ADGRL2: variants seen among roughly 807,000 people sequenced by gnomAD.
The protein encoded by ADGRL2 is adhesion G protein-coupled receptor L2, also known as calcium-independent alpha-latrotoxin receptor 2.
Under a neutral mutation model 157.4 loss-of-function variants are expected in ADGRL2, and 44 were observed. The observed-to-expected ratio is 0.28, with a 90% CI of 0.22 to 0.36. ADGRL2 has a LOEUF of 0.36. Among genes scored for constraint, ADGRL2 ranks in the 10% least tolerant of loss-of-function variants. The pLI is 1.00. For synonymous variants in ADGRL2, 585 were observed against 624.7 expected (o/e 0.94, Z 0.95); for missense variants, 1,510 against 1,768.9 (o/e 0.85, Z 2.63).
chr1:81,909,581 A>G (rs2094663662), intron 3 of ADGRL2, among the ~76,000 whole-genome samples: 1 of 152,210 alleles, frequency 6.6e-6, no homozygotes, highest in Non-Finnish European at 1.5e-5. Flanking sequence ...GGCTGTCAAT[A>G]TGACAGATGT....
intron 2 of ADGRL2, among the ~76,000 whole-genome samples, chr1:81,564,891 T>C (rs2080524795): frequency 6.6e-6 from 1 of 152,102 alleles, no homozygotes; most frequent in African/African-American, 2.4e-5. Context: ...GTAGCCTCCA[T>C]CCTAATTCAG....
chr1:81,415,507 G>A (rs2077017371), intron 1 of ADGRL2, among the ~76,000 whole-genome samples: 1 of 152,184 alleles, frequency 6.6e-6, no homozygotes, highest in East Asian at 1.9e-4. Flanking sequence ...AAAAAGATAC[G>A]ATAAGAGGAA....
At chr1:81,957,884 G>C (rs763278054) in intron 11 of ADGRL2, among the ~76,000 whole-genome samples, 1 of 150,450 alleles carries the variant, frequency 6.6e-6, no homozygotes, top group Non-Finnish European at 1.5e-5. Flanking sequence ...GTCATTTTAC[G>C]GCCGGGCATG....
At chr1:81,852,022 AAGTACTTGGTAACTAAAATG>A (rs1306662005) in intron 2 of ADGRL2, among the ~76,000 whole-genome samples, 1 of 152,002 alleles carries the variant, frequency 6.6e-6, no homozygotes, top group Non-Finnish European at 1.5e-5. Context: ...TTCTAGCTTC[AAGTACTTGGTAACTAAAATG>A]TTTGCTCAGT....
intron 2 of ADGRL2, among the ~76,000 whole-genome samples, chr1:81,866,585 A>G (rs1217028526): frequency 6.6e-6 from 1 of 152,142 alleles, no homozygotes; most frequent in Non-Finnish European, 1.5e-5. Flanking sequence ...TTAAAAATTT[A>G]CCTTCAGTTT....
intron 3 of ADGRL2, among the ~76,000 whole-genome samples, chr1:81,617,377 T>C (rs1483875043): frequency 2.0e-5 from 3 of 152,216 alleles, no homozygotes; most frequent in African/African-American, 7.2e-5. Context: ...ATGTCTTCCA[T>C]GAAGCCAGTC....
intron 3 of ADGRL2, among the ~76,000 whole-genome samples, chr1:81,619,655 G>A (rs1203883606): frequency 7.4e-6 from 1 of 135,030 alleles, no homozygotes; most frequent in Admixed American, 7.6e-5. Flanking sequence ...AACATACAGT[G>A]ATATGTCTTC....
At chr1:81,908,056 G>A (rs1010461279) in intron 3 of ADGRL2, among the ~76,000 whole-genome samples, 1 of 152,118 alleles carries the variant, frequency 6.6e-6, no homozygotes, top group African/African-American at 2.4e-5. Flanking sequence ...GTGTTTAGAT[G>A]TACAGACACT....
chr1:81,970,300 C>A lies in ADGRL2; in HGVS notation c.2734-14C>A. 4 of 1,592,952 alleles carry A rather than the reference C, an allele frequency of 2.5e-6. No individual in the cohort carries two copies. Among genetic ancestry groups the A allele is most frequent in the East Asian group, 2.2e-5 (1 of 44,600 alleles). On this transcript the variant is annotated splice_polypyrimidine_tract_variant and intron_variant, in intron 15 of 23. Coordinates refer to ENST00000686636, the MANE Select transcript of ADGRL2 (RefSeq NM_001366006.2). ...TGAGTTTTCTTTTGTGTTTTTTGTT[C>A]TTTTCCCCCGTAGATTGCATGCCCA... is the stretch of plus-strand genomic sequence containing the variant.
At chr1:81,893,392 A>G (rs1394697264) in intron 2 of ADGRL2, among the ~76,000 whole-genome samples, 2 of 147,490 alleles carry the variant, frequency 1.4e-5, no homozygotes, top group African/African-American at 2.5e-5. Flanking sequence ...TAAGGATGAA[A>G]TTAAAACTAT....
chr1:81,948,809 T>C (rs544247543), intron 6 of ADGRL2, among the ~76,000 whole-genome samples: 1 of 152,274 alleles, frequency 6.6e-6, no homozygotes, highest in Non-Finnish European at 1.5e-5. Flanking sequence ...AACACATGCT[T>C]TAGAAGTTTC....
chr1:81,903,729 ACAT>A (rs1168621782), intron 2 of ADGRL2, among the ~76,000 whole-genome samples: 10 of 141,940 alleles, frequency 7.0e-5, no homozygotes, highest in African/African-American at 2.6e-4. Context: ...ATATATATAT[ACAT>A]TATATATACA....
chr1:81,727,995 A>C (rs1040931192), intron 1 of ADGRL2, among the ~76,000 whole-genome samples: 10 of 152,266 alleles, frequency 6.6e-5, no homozygotes, highest in African/African-American at 2.4e-4. Context: ...ATATTTAATA[A>C]ATATTTGTTC....
intron 3 of ADGRL2, among the ~76,000 whole-genome samples, chr1:81,622,109 G>C (rs1263598575): frequency 6.6e-6 from 1 of 152,150 alleles, no homozygotes; most frequent in Non-Finnish European, 1.5e-5. Context: ...CTTTTTTAAT[G>C]ATAACTTTTT....
At chr1:81,806,998 T>G (rs2089244690) in intron 1 of ADGRL2, among the ~76,000 whole-genome samples, 1 of 151,990 alleles carries the variant, frequency 6.6e-6, no homozygotes, top group African/African-American at 2.4e-5. Context: ...AAGATTTATG[T>G]AAAAAATAAG....
chr1:81,987,525 A>G (rs1324890290), intron 22 of ADGRL2: 5 of 598,118 alleles, frequency 8.4e-6, no homozygotes, highest in Non-Finnish European at 1.5e-5. Context: ...TTTTCTTAAG[A>G]AAAATTTCAG....
chr1:81,615,632 G>C (rs1330349970), intron 3 of ADGRL2, among the ~76,000 whole-genome samples: 1 of 152,180 alleles, frequency 6.6e-6, no homozygotes, highest in Non-Finnish European at 1.5e-5. Flanking sequence ...GCGAGACCAA[G>C]AACCCACCAA....
Position 81,418,332 on chromosome 1 carries a change from C to T in ADGRL2, c.-301-26704C>T, listed in dbSNP as rs753481712. On this transcript the variant is annotated intron_variant, in intron 1 of 24. Transcript: ENST00000370721. ...TTATAATAAAATTTTGTGGCAAAAA[C>T]CCTCCACTTTTCTGTGGTGGCATTT... 3.4e-4 allele frequency among the ~76,000 whole-genome samples: 51 copies of T among 152,222 alleles called. 1 individual carries two copies. The highest frequency in any genetic ancestry group is 6.6e-4 in the Non-Finnish European group (45 of 68,044).
At chr1:81,804,297 T>C (rs1160659064) in intron 1 of ADGRL2, among the ~76,000 whole-genome samples, 2 of 152,230 alleles carry the variant, frequency 1.3e-5, no homozygotes, top group Non-Finnish European at 1.5e-5. Context: ...TTGTTTAGTT[T>C]CTTCAGACAT....
Sources: gnomAD v4.1 joint callset for allele counts (sites outside exome capture counted in the v4.1 genomes callset) on GRCh38, gnomAD v4.1.1 for gene constraint, MANE v1.5 for transcripts, NCBI Gene and HGNC (gene_info 2026-07-23, HGNC 2026-07-21) for gene names.